GRIP1: variants seen among roughly 807,000 people sequenced by gnomAD.
GRIP1 encodes glutamate receptor-interacting protein 1.
GRIP1 carries 45 observed loss-of-function variants against 129.9 expected under a neutral mutation model. That is an observed-to-expected ratio of 0.35 (90% confidence interval 0.27 to 0.44). GRIP1 has a LOEUF of 0.44. Ranked by LOEUF, GRIP1 falls within the 20% of genes least tolerant of loss-of-function variation. The pLI, the probability that GRIP1 is intolerant of heterozygous loss-of-function variation, is 1.00. For synonymous variants in GRIP1, 530 were observed against 520.8 expected (o/e 1.02, Z -0.24); for missense variants, 1,196 against 1,396.8 (o/e 0.86, Z 2.29).
chr12:66,883,367 C>T (rs1291226485), intron 1 of GRIP1, among the ~76,000 whole-genome samples: 1 of 151,990 alleles, frequency 6.6e-6, no homozygotes, highest in African/African-American at 2.4e-5. Flanking sequence ...TTTCACAGTA[C>T]CCATCAAAAT....
intron 1 of GRIP1, among the ~76,000 whole-genome samples, chr12:66,720,291 C>T (rs760300845): frequency 2.0e-5 from 3 of 152,170 alleles, no homozygotes; most frequent in Non-Finnish European, 4.4e-5. Context: ...AAAAATATTT[C>T]ATTGCTAAAC....
intron 1 of GRIP1, among the ~76,000 whole-genome samples, chr12:66,809,436 G>A (rs552749731): frequency 7.9e-5 from 12 of 152,146 alleles, no homozygotes; most frequent in Non-Finnish European, 7.4e-5. Flanking sequence ...GCATCTGCAC[G>A]CAATGCCAAT....
chr12:66,947,521 AAGG>A (rs1444779066), intron 1 of GRIP1, among the ~76,000 whole-genome samples: 82 of 152,340 alleles, frequency 5.4e-4, no homozygotes, highest in African/African-American at 1.9e-3. Flanking sequence ...AAAAACTTTG[AAGG>A]AGATGAAAAC....
intron 1 of GRIP1, among the ~76,000 whole-genome samples, chr12:66,774,106 T>C (rs2037905508): frequency 1.3e-5 from 2 of 152,164 alleles, no homozygotes; most frequent in African/African-American, 4.8e-5. Context: ...GATATTGACC[T>C]GTAGTAGTAA....
chr12:67,016,700 T>C (rs760844701), intron 1 of GRIP1, among the ~76,000 whole-genome samples: 7 of 152,196 alleles, frequency 4.6e-5, no homozygotes, highest in Non-Finnish European at 8.8e-5. Flanking sequence ...GACTGCTCAA[T>C]TGGAGCCGTT....
At chr12:66,373,299 G>A (rs2055619632) in intron 22 of GRIP1, among the ~76,000 whole-genome samples, 2 of 152,094 alleles carry the variant, frequency 1.3e-5, no homozygotes, top group Admixed American at 6.6e-5. Context: ...ATGTTGGCCA[G>A]GCTGGTCTGG....
intron 1 of GRIP1, among the ~76,000 whole-genome samples, chr12:67,034,820 A>G (rs1411619445): frequency 6.6e-6 from 1 of 152,196 alleles, no homozygotes; most frequent in Admixed American, 6.5e-5. Flanking sequence ...TGGGACCACC[A>G]TTGTTTATGC....
intron 1 of GRIP1, among the ~76,000 whole-genome samples, chr12:66,852,491 T>G (rs2039930142): frequency 6.6e-6 from 1 of 151,296 alleles, no homozygotes; most frequent in South Asian, 2.1e-4. Context: ...ACTAACAAAG[T>G]GTGTATATAT....
At chr12:66,785,834 C>T (rs1311222922) in intron 1 of GRIP1, among the ~76,000 whole-genome samples, 1 of 152,120 alleles carries the variant, frequency 6.6e-6, no homozygotes, top group Non-Finnish European at 1.5e-5. Flanking sequence ...ATAATCTCAG[C>T]ACTTTGGGAG....
At chr12:66,723,820 T>C (rs2036171400) in intron 1 of GRIP1, among the ~76,000 whole-genome samples, 1 of 152,174 alleles carries the variant, frequency 6.6e-6, no homozygotes, top group Admixed American at 6.5e-5. Flanking sequence ...AATTCAAGCA[T>C]AACTACCAGA....
rs144592077 is a variant in GRIP1 at position 66,405,359 on chromosome 12, TA to T, written c.1984+923del. ...CTTTATGGATCCATATCACATTCTGTAATTCCCCACATTAGCTGACTCTTTT... is the reference window on the plus strand; with the variant it reads ...CTTTATGGATCCATATCACATTCTGTATTCCCCACATTAGCTGACTCTTTT... On this transcript the variant is annotated intron_variant, in intron 16 of 24. Transcript: ENST00000359742. Among the ~76,000 whole-genome samples, 1,187 of 152,356 alleles carry T rather than the reference TA, an allele frequency of 7.8e-3. 14 individuals carry two copies. The highest frequency in any genetic ancestry group is 0.028 in the African/African-American group (1,144 of 41,584).
At chr12:66,660,103 G>A (rs1378412415) in intron 1 of GRIP1, among the ~76,000 whole-genome samples, 1 of 152,204 alleles carries the variant, frequency 6.6e-6, no homozygotes, top group African/African-American at 2.4e-5. Context: ...CATAAAATGT[G>A]ACGGCCTCAG....
At chr12:66,780,220 A>C (rs1165974142) in intron 1 of GRIP1, among the ~76,000 whole-genome samples, 1 of 152,200 alleles carries the variant, frequency 6.6e-6, no homozygotes. Flanking sequence ...TACCAAGAAG[A>C]GCAGGAATCA....
At chr12:67,042,229 CTT>C (rs1246395434) in intron 1 of GRIP1, among the ~76,000 whole-genome samples, 1 of 152,186 alleles carries the variant, frequency 6.6e-6, no homozygotes, top group Non-Finnish European at 1.5e-5. Context: ...AAATACATCT[CTT>C]TTCTTTATAA....
rs1392122407 is a variant in GRIP1 at position 66,515,754 on chromosome 12, T to C, written c.589A>G (p.Ile197Val). 2.5e-6 allele frequency: 4 copies of C among 1,613,472 alleles called. No individual in the cohort carries two copies. Among genetic ancestry groups the C allele is most frequent in the East Asian group, 2.2e-5 (1 of 44,886 alleles). The change falls in exon 7 of 25, where the codon ATC becomes GTC. Residue 197 changes from isoleucine (I) to valine (V), a missense_variant. Coordinates refer to ENST00000359742, the MANE Select transcript of GRIP1 (RefSeq NM_001366722.1). ...CTGAGCAACCTGTCACCGGGTTTGATCGTGCCCTCTCTGAAGGGAGAATAA... is the reference window on the plus strand; with the variant it reads ...CTGAGCAACCTGTCACCGGGTTTGACCGTGCCCTCTCTGAAGGGAGAATAA... ...PGGPADREGTIKPGDRLLSVD... is the reference protein window; with the variant it reads ...PGGPADREGTVKPGDRLLSVD...
intron 1 of GRIP1, among the ~76,000 whole-genome samples, chr12:67,052,098 T>G (rs989261338): frequency 3.3e-5 from 5 of 152,192 alleles, no homozygotes; most frequent in Non-Finnish European, 5.9e-5. Context: ...CTATGACACG[T>G]TTGGAGGCCT....
At chr12:66,852,605 T>C (rs1009651723) in intron 1 of GRIP1, among the ~76,000 whole-genome samples, 1 of 151,596 alleles carries the variant, frequency 6.6e-6, no homozygotes, top group African/African-American at 2.4e-5. Context: ...TATGTACATA[T>C]ATAACATTCC....
intron 1 of GRIP1, among the ~76,000 whole-genome samples, chr12:66,899,853 A>G (rs2040816804): frequency 6.6e-6 from 1 of 152,196 alleles, no homozygotes; most frequent in South Asian, 2.1e-4. Flanking sequence ...CAAAGAAGGG[A>G]ACAGCAGAAA....
intron 1 of GRIP1, among the ~76,000 whole-genome samples, chr12:66,828,980 T>A (rs867870391): frequency 3.3e-5 from 5 of 152,236 alleles, no homozygotes; most frequent in Middle Eastern, 3.4e-3. Flanking sequence ...CAGAGAGACT[T>A]CTCTTTATAC....
Sources: gnomAD v4.1 joint callset for allele counts (sites outside exome capture counted in the v4.1 genomes callset) on GRCh38, gnomAD v4.1.1 for gene constraint, MANE v1.5 for transcripts, NCBI Gene and HGNC (gene_info 2026-07-23, HGNC 2026-07-21) for gene names.